PTCD3: variants seen among roughly 807,000 people sequenced by gnomAD.
The protein encoded by PTCD3 is pentatricopeptide repeat domain 3.
Under a neutral mutation model 101.9 loss-of-function variants are expected in PTCD3, and 89 were observed. The observed-to-expected ratio is 0.87, with a 90% CI of 0.74 to 1.04. PTCD3 has a LOEUF of 1.04. Among genes scored for constraint, PTCD3 ranks in the 50% least tolerant of loss-of-function variants. The probability of loss-of-function intolerance (pLI) is 0.00; values close to 1 mark genes in which losing one functional copy is unlikely to be tolerated. For synonymous variants in PTCD3, 296 were observed against 278.5 expected (o/e 1.06, Z -0.63); for missense variants, 870 against 828.2 (o/e 1.05, Z -0.62).
intron 11 of PTCD3, 27 bp from the exon 12 acceptor site, chr2:86,125,754 TAATCTTCAACCCCA>T (rs1315013767): frequency 6.9e-7 from 1 of 1,457,412 alleles, no homozygotes; most frequent in Non-Finnish European, 9.6e-7. Context: ...ATTTAGGGAT[TAATCTTCAACCCCA>T]AATTTTATCA....
chr2:86,125,195 T>C (rs1674361235), intron 10 of PTCD3, 113 bp downstream of exon 10: 25 of 1,472,964 alleles, frequency 1.7e-5, no homozygotes, highest in Non-Finnish European at 2.2e-5. Context: ...GTCCTGTGCA[T>C]TGTAGGATGT....
In PTCD3 at chr2:86,135,025, T is replaced by C. The variant is rs774533636; in HGVS notation, c.1778+38T>C. The C allele has an allele frequency of 1.5e-5, 24 of 1,565,416 alleles. No individual in the cohort carries two copies. The Middle Eastern group carries it at 5.1e-4, about 33-fold the overall frequency. On this transcript the variant is annotated intron_variant, in intron 21 of 23. Coordinates refer to ENST00000254630, the MANE Select transcript of PTCD3 (RefSeq NM_017952.6). Reference sequence around the variant, plus strand: ...CCACAAGTATACACTTTAGAAGCTTTTGTATTTGAATCTAAAACATTGGCC... The same window carrying C: ...CCACAAGTATACACTTTAGAAGCTTCTGTATTTGAATCTAAAACATTGGCC...
intron 21 of PTCD3, chr2:86,136,088 C>T (rs1477125723): frequency 2.2e-5 from 11 of 510,138 alleles, no homozygotes; most frequent in Admixed American, 6.2e-5. Flanking sequence ...TTCTATGCCT[C>T]TTTTCCAGCT....
At chr2:86,109,200 T>G (rs961791925) in intron 3 of PTCD3, among the ~76,000 whole-genome samples, 1 of 152,010 alleles carries the variant, frequency 6.6e-6, no homozygotes, top group Non-Finnish European at 1.5e-5. Context: ...GGTCAGGAGA[T>G]TGAGACCATC....
chr2:86,133,202 T>A lies in PTCD3; in HGVS notation c.1398T>A (p.Cys466Ter). The change falls in exon 18 of 24, where the codon TGT (cysteine) becomes TGA (stop). Residue 466 changes from cysteine to a stop codon, truncating the protein, a stop_gained. Coordinates refer to ENST00000254630, the MANE Select transcript of PTCD3 (RefSeq NM_017952.6). LOFTEE classifies it high-confidence loss of function. ...GTTCCAAGTTCTTCGATTTGATTTGTCTAATGGAACAAATTGATGTTACCT... is the reference window on the plus strand; with the variant it reads ...GTTCCAAGTTCTTCGATTTGATTTGACTAATGGAACAAATTGATGTTACCT... ...FYYSKFFDLICLMEQIDVTLK... is the reference protein window; with the variant it reads ...FYYSKFFDLI 1 of 1,614,132 alleles carries A rather than the reference T, an allele frequency of 6.2e-7. No homozygotes were observed. Among genetic ancestry groups the A allele is most frequent in the Non-Finnish European group, 8.5e-7 (1 of 1,180,000 alleles).
intron 8 of PTCD3, 77 bp downstream of exon 8, chr2:86,121,671 T>C: frequency 1.1e-6 from 1 of 914,426 alleles, no homozygotes. Flanking sequence ...ATAAGATGGG[T>C]TGTTTTGCCA....
At position 86,117,122 on chromosome 2, in the gene PTCD3, A is replaced by G. The variant is rs758708550; in HGVS notation, c.377A>G (p.Lys126Arg). The G allele has an allele frequency of 2.1e-6, 3 of 1,461,596 alleles. No homozygotes were observed. The allele number at this position is 1,461,596 out of a possible 1,614,324, so 90.5% of individuals were successfully genotyped here. A position where few individuals can be genotyped will look rare whatever the true frequency, so the allele number is the denominator to read the frequency against. The change falls in exon 6 of 24, where the codon AAA (lysine) becomes AGA (arginine). Residue 126 changes from lysine (K) to arginine (R), a missense_variant. By Grantham distance (26) the Lys-to-Arg change is conservative. Transcript: ENST00000254630. ...AAGTTTATTATTAATTCATACCCCA[A>G]ATATTTTCAGAAGGACATAGCTGAA... ...VAKFIINSYPKYFQKDIAEPH... is the reference protein window; with the variant it reads ...VAKFIINSYPRYFQKDIAEPH...
intron 9 of PTCD3, 103 bp downstream of exon 9, chr2:86,123,865 T>C: frequency 1.3e-6 from 1 of 762,616 alleles, no homozygotes; most frequent in East Asian, 3.0e-5. Context: ...TCTAAAATAA[T>C]TGATTTTTAT....
In PTCD3 at chr2:86,134,823, C is replaced by T. The variant is rs1674553901; in HGVS notation, c.1630-16C>T. ...AAAATCAGTTAGGCAGTTCTGCTGA[C>T]TCCTAAGCTTCTCAGCTTCAGGTGG... On this transcript the variant is annotated splice_polypyrimidine_tract_variant and intron_variant, in intron 20 of 23. Coordinates refer to ENST00000254630, the MANE Select transcript of PTCD3 (RefSeq NM_017952.6). The T allele has an allele frequency of 6.2e-7, 1 of 1,613,716 alleles. No homozygotes were observed. Among genetic ancestry groups the T allele is most frequent in the Non-Finnish European group, 8.5e-7 (1 of 1,179,948 alleles).
At chr2:86,110,386 A>T (rs767121026) in intron 3 of PTCD3, among the ~76,000 whole-genome samples, 9 of 152,236 alleles carry the variant, frequency 5.9e-5, no homozygotes, top group Non-Finnish European at 1.2e-4. Context: ...TAAGAATGTT[A>T]TGTTAAACTT....
chr2:86,117,296 G>T, intron 6 of PTCD3, 137 bp downstream of exon 6: 3 of 516,316 alleles, frequency 5.8e-6, no homozygotes, highest in African/African-American at 1.9e-5. Flanking sequence ...TGTGGAGTTA[G>T]CTTTGATCAC....
chr2:86,131,627 A>G (rs1200829428), intron 16 of PTCD3, among the ~76,000 whole-genome samples: 2 of 152,338 alleles, frequency 1.3e-5, no homozygotes, highest in East Asian at 1.9e-4. Context: ...AGATTTGCCT[A>G]TTAGTAAGTT....
chr2:86,127,625 G>GTA, intron 13 of PTCD3: 1 of 471,636 alleles, frequency 2.1e-6, no homozygotes, highest in Non-Finnish European at 3.7e-6. Flanking sequence ...GTGTGCTAGT[G>GTA]TATTGTATAT....
In PTCD3 at chr2:86,130,663, G is replaced by GATC; in HGVS notation, c.1167_1169dup (p.Ser390dup). On this transcript the variant is annotated inframe_insertion, in exon 15 of 24. Transcript: ENST00000254630. ...TGTTCTGCAGGAGACCCTTTAAAGA[G>GATC]ATCATCCTTCATCATTTATGATATA... is the stretch of plus-strand genomic sequence containing the variant. 1 of 1,612,992 alleles carries GATC rather than the reference G, an allele frequency of 6.2e-7. No individual in the cohort carries two copies. The highest frequency in any genetic ancestry group is 1.3e-5 in the African/African-American group (1 of 75,022).
intron 12 of PTCD3, among the ~76,000 whole-genome samples, chr2:86,126,825 G>A (rs1451707099): frequency 1.4e-5 from 2 of 144,884 alleles, no homozygotes; most frequent in African/African-American, 2.6e-5. Context: ...CAAGAAGAGC[G>A]AAACTTTGTC....
At chr2:86,110,422 A>C (rs1475515548) in intron 3 of PTCD3, among the ~76,000 whole-genome samples, 2 of 152,256 alleles carry the variant, frequency 1.3e-5, no homozygotes, top group African/African-American at 2.4e-5. Flanking sequence ...TCTTGGTATA[A>C]TTCCCTTTTG....
intron 8 of PTCD3, 68 bp from the exon 9 acceptor site, chr2:86,123,633 A>G: frequency 8.3e-7 from 1 of 1,200,978 alleles, no homozygotes; most frequent in Non-Finnish European, 1.2e-6. Context: ...TCTGATTTTG[A>G]GTAGTCTGAC....
At chr2:86,110,852 G>T in intron 3 of PTCD3, 1 of 689,496 alleles carries the variant, frequency 1.5e-6, no homozygotes. Context: ...TTATGAGGGC[G>T]GGATGGAAAT....
chr2:86,111,113 G>A lies in PTCD3; in HGVS notation c.195G>A (p.Trp65Ter), dbSNP rs753736908. 11 of 1,612,922 alleles carry A rather than the reference G, an allele frequency of 6.8e-6. No homozygotes were observed. Among genetic ancestry groups the A allele is most frequent in the Non-Finnish European group, 8.5e-6 (10 of 1,179,134 alleles). Residue 65 changes from tryptophan to a stop codon, truncating the protein, a stop_gained and splice_region_variant, in exon 4 of 24, where the codon TGG becomes TGA. Coordinates refer to ENST00000254630, the MANE Select transcript of PTCD3 (RefSeq NM_017952.6). LOFTEE classifies it high-confidence loss of function. ...EEVVIPKKKT[W>*]DKVAVLQALA... ...ATTAACTTGTGGTTCTTATTTTTAG[G>A]GATAAAGTAGCCGTTCTTCAGGCAC...
Sources: allele counts gnomAD v4.1 joint callset (sites outside exome capture counted in the v4.1 genomes callset), GRCh38; gene constraint gnomAD v4.1.1; transcripts MANE v1.5; gene names NCBI Gene and HGNC (gene_info 2026-07-23, HGNC 2026-07-21).